Variants in PCDH19 observed in about 807,000 individuals in gnomAD.
PCDH19 encodes the protein protocadherin 19.
PCDH19 carries 6 observed loss-of-function variants against 46.2 expected under a neutral mutation model. The observed-to-expected ratio is 0.13, with a 90% CI of 0.07 to 0.26. The LOEUF is 0.26. Ranked by LOEUF, PCDH19 falls within the 10% of genes least tolerant of loss-of-function variation. The pLI, the probability that PCDH19 is intolerant of heterozygous loss-of-function variation, is 1.00. For missense variants in PCDH19, 740 were observed against 972.3 expected (o/e 0.76, Z 3.18); for synonymous variants, 481 against 415.7 (o/e 1.16, Z -1.91).
chrX:100,319,728 A>C (rs1271788038), intron 5 of PCDH19, among the ~76,000 whole-genome samples: 1 of 112,292 alleles, frequency 8.9e-6, no homozygotes, highest in Non-Finnish European at 1.9e-5. Flanking sequence ...TCACACAGGA[A>C]ATGGGCTAGT....
In PCDH19 at chrX:100,408,686, G is replaced by C; in HGVS notation, c.-89C>G. On this transcript the variant is annotated 5_prime_UTR_variant, in exon 1 of 6. Transcript: ENST00000373034. The stretch of plus-strand genomic sequence containing the variant: ...CTCCAGCTTCCCGCCGGCTCGGGCC[G>C]CCTGTTGCGCGCGCCCCGTGGCCCC... 3.6e-6 allele frequency: 3 copies of C among 839,605 alleles called. No homozygotes were observed. The highest frequency in any genetic ancestry group is 5.1e-6 in the Non-Finnish European group (3 of 592,407). The allele number at this position is 839,605 out of a possible 1,213,427, so 69.2% of individuals were successfully genotyped here. A position where few individuals can be genotyped will look rare whatever the true frequency, so the allele number is the denominator to read the frequency against.
intron 1 of PCDH19, among the ~76,000 whole-genome samples, chrX:100,405,407 G>A (rs1402785467): frequency 8.9e-6 from 1 of 112,280 alleles, no homozygotes; most frequent in African/African-American, 3.2e-5. Flanking sequence ...TTGGATTCTA[G>A]GATTCTAGAA....
chrX:100,347,113 G>A (rs2147489512), intron 4 of PCDH19, among the ~76,000 whole-genome samples: 1 of 110,777 alleles, frequency 9.0e-6, no homozygotes, highest in South Asian at 3.9e-4. Flanking sequence ...AGATTCCTTG[G>A]TGCATAAAAT....
intron 5 of PCDH19, among the ~76,000 whole-genome samples, chrX:100,339,819 C>G (rs1368422198): frequency 9.0e-6 from 1 of 111,353 alleles, no homozygotes; most frequent in Non-Finnish European, 1.9e-5. Flanking sequence ...TAACCACTGC[C>G]GGAATAATAG....
At chrX:100,377,738 C>A (rs919555339) in intron 3 of PCDH19, among the ~76,000 whole-genome samples, 3 of 111,863 alleles carry the variant, frequency 2.7e-5, no homozygotes, top group African/African-American at 9.8e-5. Context: ...GCACTGAACA[C>A]AACTTAACAA....
chrX:100,333,185 GAAAGAAAGAAAGAAA>G (rs1925962059), intron 5 of PCDH19, among the ~76,000 whole-genome samples: 2 of 63,439 alleles, frequency 3.2e-5, no homozygotes, highest in African/African-American at 1.3e-4. Flanking sequence ...GAGAGAGAGA[GAAAGAAAGAAAGAAA>G]GAAAGAAAGA....
intron 4 of PCDH19, among the ~76,000 whole-genome samples, chrX:100,344,092 T>C (rs73248481): frequency 0.011 from 1,205 of 112,103 alleles, 12 homozygotes; most frequent in Non-Finnish European, 0.017. Flanking sequence ...GCCATAATTA[T>C]AAGAAAATGA....
chrX:100,354,278 G>A (rs1926650436), intron 3 of PCDH19, among the ~76,000 whole-genome samples: 1 of 111,787 alleles, frequency 8.9e-6, no homozygotes, highest in Admixed American at 9.5e-5. Context: ...TCCTGAAGAA[G>A]GAAATATTTT....
At chrX:100,320,918 C>T (rs1925456376) in intron 5 of PCDH19, among the ~76,000 whole-genome samples, 1 of 108,382 alleles carries the variant, frequency 9.2e-6, no homozygotes, top group Non-Finnish European at 1.9e-5. Context: ...TATTTGTAGT[C>T]TTTTATCAAT....
intron 4 of PCDH19, among the ~76,000 whole-genome samples, chrX:100,348,686 CA>C (rs930910452): frequency 7.3e-4 from 82 of 111,707 alleles, no homozygotes; most frequent in Non-Finnish European, 1.4e-3. Context: ...TGTCTATAAA[CA>C]AAAAACATAT....
chrX:100,401,812 G>C (rs1028022763), intron 3 of PCDH19, among the ~76,000 whole-genome samples: 2 of 110,419 alleles, frequency 1.8e-5, no homozygotes, highest in Admixed American at 1.9e-4. Flanking sequence ...TGGCAAGCTG[G>C]TCTGGAATTC....
At chrX:100,299,368 T>G (rs1171969026) in intron 5 of PCDH19, among the ~76,000 whole-genome samples, 1 of 111,523 alleles carries the variant, frequency 9.0e-6, no homozygotes, top group Non-Finnish European at 1.9e-5. Context: ...TTTCTTTGAG[T>G]TTTTTAATAT....
Position 100,403,580 on chromosome X carries a change from G to A in PCDH19, c.2232C>T (p.Pro744=). The A allele has an allele frequency of 8.3e-7, 1 of 1,208,545 alleles. No individual in the cohort carries two copies. Among genetic ancestry groups the A allele is most frequent in the South Asian group, 1.8e-5 (1 of 56,785 alleles). ...TCTTTTTGTCTTGCTCCTCGCTAAT[G>A]GGAGAAACCGAGATGCAATGCAGAC... is the stretch of plus-strand genomic sequence containing the variant. The part of the protein sequence containing the change: ...SKCLHCISVS[P]ISEEQDKKTE... The change falls in exon 2 of 6, where the codon CCC becomes CCT. Residue 744 remains proline, a synonymous_variant. Transcript: ENST00000373034.
intron 5 of PCDH19, among the ~76,000 whole-genome samples, chrX:100,301,564 T>C (rs940448106): frequency 8.0e-5 from 9 of 112,190 alleles, no homozygotes; most frequent in Non-Finnish European, 1.7e-4. Context: ...GATGTGTATA[T>C]CAGACAAGCT....
chrX:100,392,675 C>T (rs1370234685), intron 3 of PCDH19, among the ~76,000 whole-genome samples: 1 of 111,610 alleles, frequency 9.0e-6, no homozygotes, highest in East Asian at 2.8e-4. Context: ...GTGTCCTTAC[C>T]ATGGCCTCTG....
intron 3 of PCDH19, among the ~76,000 whole-genome samples, chrX:100,375,605 T>C (rs1182200045): frequency 8.9e-6 from 1 of 112,160 alleles, no homozygotes; most frequent in African/African-American, 3.2e-5. Context: ...TTTGGGTATA[T>C]ACCCAGTAAT....
intron 4 of PCDH19, among the ~76,000 whole-genome samples, chrX:100,345,338 ATG>A (rs370680624): frequency 4.5e-5 from 5 of 111,610 alleles, no homozygotes; most frequent in African/African-American, 1.6e-4. Context: ...ACACACTATT[ATG>A]TGTGTGTGTG....
At chrX:100,316,898 A>G (rs764273198) in intron 5 of PCDH19, among the ~76,000 whole-genome samples, 13 of 112,141 alleles carry the variant, frequency 1.2e-4, no homozygotes, top group Non-Finnish European at 2.4e-4. Flanking sequence ...AAATGTAGCT[A>G]CAATTTCAAT....
intron 5 of PCDH19, among the ~76,000 whole-genome samples, chrX:100,321,029 T>C (rs959291851): frequency 1.8e-5 from 2 of 110,015 alleles, no homozygotes; most frequent in African/African-American, 3.3e-5. Flanking sequence ...AGTGAGAACA[T>C]GTGATGTTTG....
Sources: allele counts gnomAD v4.1 joint callset (sites outside exome capture counted in the v4.1 genomes callset), GRCh38; gene constraint gnomAD v4.1.1; transcripts MANE v1.5; gene names NCBI Gene and HGNC (gene_info 2026-07-23, HGNC 2026-07-21).